FHDC1: variants seen among roughly 807,000 people sequenced by gnomAD.
FHDC1 encodes the protein FH2 domain containing 1.
Under a neutral mutation model 52.6 loss-of-function variants are expected in FHDC1, and 25 were observed. The observed-to-expected ratio is 0.48, with a 90% CI of 0.35 to 0.66. FHDC1 has a LOEUF of 0.66. FHDC1 is among the 30% of genes least tolerant of loss of function. The pLI, the probability that FHDC1 is intolerant of heterozygous loss-of-function variation, is 0.01. For missense variants in FHDC1, 1,459 were observed against 1,452.8 expected (o/e 1.00, Z -0.07); for synonymous variants, 616 against 581.5 (o/e 1.06, Z -0.85).
Position 152,976,624 on chromosome 4 carries a change from C to A in FHDC1, c.3333C>A (p.Ala1111=). 6.2e-7 allele frequency: 1 copy of A among 1,607,548 alleles called. No homozygotes were observed. Among genetic ancestry groups the A allele is most frequent in the South Asian group, 1.1e-5 (1 of 90,640 alleles). Residue 1111 remains alanine (A), a synonymous_variant, in exon 12 of 12, where the codon GCC becomes GCA. Coordinates refer to ENST00000511601, the MANE Select transcript of FHDC1 (RefSeq NM_001371116.1). ...SAEGPSANTE[A]PLKARGAGER... ...AGGGTCCCAGTGCCAACACGGAGGC[C>A]CCTCTGAAGGCCAGAGGGGCTGGGG...
Position 152,975,252 on chromosome 4 carries a change from G to A in FHDC1, c.1961G>A (p.Ser654Asn). The A allele has an allele frequency of 2.5e-6, 4 of 1,613,466 alleles. No homozygotes were observed. The highest frequency in any genetic ancestry group is 3.4e-6 in the Non-Finnish European group (4 of 1,180,040). ...CGAAAGAGGTACAGTGAGCCGGTGA[G>A]CCTGGGCTCAGCACAGTCCCCTCCT... ...VLRKRYSEPV[S>N]LGSAQSPPLS... Residue 654 changes from serine (S) to asparagine (N), a missense_variant, in exon 12 of 12, where the codon AGC (serine) becomes AAC (asparagine). This residue lies in a region of FHDC1 where 939 missense variants were observed against 854.5 expected (regional missense o/e 1.10). Transcript: ENST00000511601.
At chr4:152,914,318 G>A in the FHDC1 span, among the ~76,000 whole-genome samples, 5 of 152,136 alleles carry the variant, frequency 3.3e-5, no homozygotes, top group African/African-American at 7.2e-5. Flanking sequence ...AGTGGTCATC[G>A]TAATGTACAG....
At position 152,964,921 on chromosome 4, in the gene FHDC1, A is replaced by G. The variant is rs1387407534; in HGVS notation, c.1046A>G (p.Asp349Gly). The G allele has an allele frequency of 2.5e-6, 4 of 1,612,344 alleles. No individual in the cohort carries two copies. The African/African-American group carries it at 4.0e-5, about 16-fold the overall frequency. Residue 349 changes from aspartate to glycine, a missense_variant, in exon 9 of 12, where the codon GAT becomes GGT. By Grantham distance (94) the Asp-to-Gly change is moderately conservative. Around this residue, in one of 3 missense-constraint regions of FHDC1, gnomAD observed 513 missense variants for 581.5 expected, o/e 0.88. Coordinates refer to ENST00000511601, the MANE Select transcript of FHDC1 (RefSeq NM_001371116.1). ...HFVAQEAQKK[D>G]TILLNFSEKL... ...TTGTTCCAGGAAGCCCAAAAGAAAG[A>G]TACCATTCTTCTAAACTTTTCAGAA...
chr4:152,954,734 AG>A (rs1319512075), intron 4 of FHDC1, among the ~76,000 whole-genome samples: 1 of 152,186 alleles, frequency 6.6e-6, no homozygotes, highest in Non-Finnish European at 1.5e-5. Flanking sequence ...TCACATGGGA[AG>A]GGCACTCTCC....
chr4:152,960,756 G>A lies in FHDC1; in HGVS notation c.762G>A (p.Arg254=). 1.2e-6 allele frequency: 2 copies of A among 1,613,314 alleles called. No homozygotes were observed. The highest frequency in any genetic ancestry group is 1.7e-6 in the Non-Finnish European group (2 of 1,179,864). Reference sequence around the variant, plus strand: ...TTTTATTTTTCAGCTATTCACTTCGGATTGAAGCCATGGTGCTAAAGAAGG... The same window carrying A: ...TTTTATTTTTCAGCTATTCACTTCGAATTGAAGCCATGGTGCTAAAGAAGG... ...GLIQVPNYSL[R]IEAMVLKKEF... Residue 254 remains arginine (R), a synonymous_variant, in exon 6 of 12, where the codon CGG becomes CGA. Transcript: ENST00000511601.
rs199562283 is a variant in FHDC1, at chr4:152,976,177, C to T, written c.2886C>T (p.Ser962=). 84 of 1,611,872 alleles carry T rather than the reference C, an allele frequency of 5.2e-5. No homozygotes were observed. Among genetic ancestry groups the T allele is most frequent in the South Asian group, 1.1e-4 (10 of 91,052 alleles). ...AEEQRLPRGS[S]GSSSTRPGRD... is the part of the protein sequence containing the mutation. The stretch of plus-strand genomic sequence containing the variant: ...AGCAGAGGCTGCCGCGGGGGAGCAG[C>T]GGCTCCAGCAGCACCCGTCCGGGGA... The change falls in exon 12 of 12, where the codon AGC becomes AGT. Residue 962 remains serine, a synonymous_variant. Transcript: ENST00000511601.
intron 10 of FHDC1, among the ~76,000 whole-genome samples, chr4:152,970,509 A>T (rs1740608734): frequency 6.6e-6 from 1 of 152,184 alleles, no homozygotes; most frequent in Non-Finnish European, 1.5e-5. Flanking sequence ...TCCCCACAGG[A>T]TCTAGAGATG....
chr4:152,930,584 T>C, the FHDC1 span, among the ~76,000 whole-genome samples: 2 of 152,318 alleles, frequency 1.3e-5, no homozygotes, highest in East Asian at 3.9e-4. Context: ...TGATGCTAAG[T>C]GTTTGACAGG....
the FHDC1 span, among the ~76,000 whole-genome samples, chr4:152,912,876 A>T: frequency 4.6e-5 from 7 of 152,202 alleles, no homozygotes; most frequent in African/African-American, 1.7e-4. Context: ...TTGCAAAAGC[A>T]ATTTAGCTGA....
the FHDC1 span, chr4:152,911,914 C>T: frequency 5.9e-5 from 9 of 152,534 alleles, no homozygotes; most frequent in African/African-American, 1.4e-4. Flanking sequence ...TGCAGTAAAT[C>T]GTTTCTCTGG....
intron 6 of FHDC1, 57 bp downstream of exon 6, chr4:152,960,901 T>C (rs1740261071): frequency 1.5e-6 from 2 of 1,349,822 alleles, no homozygotes; most frequent in East Asian, 4.7e-5. Flanking sequence ...GATAGCAGTT[T>C]TTTAAAAAAG....
At chr4:152,974,174 C>T (rs1182221677) in intron 11 of FHDC1, among the ~76,000 whole-genome samples, 1 of 152,248 alleles carries the variant, frequency 6.6e-6, no homozygotes, top group African/African-American at 2.4e-5. Flanking sequence ...CAGATCCATG[C>T]TGCACAGAAG....
At chr4:152,928,277 C>T in the FHDC1 span, 7 of 597,220 alleles carry the variant, frequency 1.2e-5, no homozygotes, top group South Asian at 9.5e-5. Context: ...GCCTTACAGG[C>T]ATTATGTCCC....
rs576399116 is a variant in FHDC1 at position 152,953,676 on chromosome 4, G to A, written c.560+116G>A. 29 of 864,260 alleles carry A rather than the reference G, an allele frequency of 3.4e-5. 1 individual carries two copies. In the South Asian group the frequency reaches 3.4e-4, roughly 10 times the overall value. The allele number at this position is 864,260 out of a possible 1,614,324, so 53.5% of individuals were successfully genotyped here. ...TCACACCTTCAAATCCTTCTTAGAC[G>A]CATGGCTTGATGAGCCTGCAAGTGA... On this transcript the variant is annotated intron_variant, in intron 3 of 11. Transcript: ENST00000511601.
chr4:152,949,286 G>A (rs1255598404), intron 2 of FHDC1, among the ~76,000 whole-genome samples: 2 of 151,764 alleles, frequency 1.3e-5, no homozygotes, highest in Non-Finnish European at 2.9e-5. Flanking sequence ...CACTAGCCTG[G>A]GCAACATAGT....
At chr4:152,958,835 A>G (rs976305107) in intron 4 of FHDC1, among the ~76,000 whole-genome samples, 1 of 152,236 alleles carries the variant, frequency 6.6e-6, no homozygotes, top group African/African-American at 2.4e-5. Flanking sequence ...TAATAAGGCT[A>G]AAAATGGTCA....
chr4:152,939,300 ATG>A (rs1468444422), intron 1 of FHDC1, among the ~76,000 whole-genome samples: 1 of 151,654 alleles, frequency 6.6e-6, no homozygotes, highest in Non-Finnish European at 1.5e-5. Flanking sequence ...GTGTGTGTTT[ATG>A]TGTGTGTGTA....
intron 1 of FHDC1, among the ~76,000 whole-genome samples, chr4:152,937,740 A>T (rs1205304813): frequency 2.0e-5 from 3 of 151,814 alleles, no homozygotes; most frequent in Non-Finnish European, 4.4e-5. Context: ...TCGCGCCGCG[A>T]CGCCCTTCTG....
In FHDC1 at chr4:152,979,570, GTATC is replaced by G. The variant is rs1221783780; in HGVS notation, c.*2851_*2854del. ...GAATACAATGGAGAAATGTAAATAA[GTATC>G]TATGTAAATTTGTTTAAAATAAACT... On this transcript the variant is annotated 3_prime_UTR_variant, in exon 12 of 12. Transcript: ENST00000511601. 11 of 152,298 alleles carry G rather than the reference GTATC, an allele frequency of 7.2e-5. No homozygotes were observed. The highest frequency in any genetic ancestry group is 6.2e-4 in the South Asian group (3 of 4,816). 9.4% of individuals were successfully genotyped at this position (152,298 alleles called of 1,614,324 possible). A position where few individuals can be genotyped will look rare whatever the true frequency, so the allele number is the denominator to read the frequency against.
Sources: gnomAD v4.1 joint callset for allele counts (sites outside exome capture counted in the v4.1 genomes callset) on GRCh38, gnomAD v4.1.1 for gene constraint, gnomAD v4.1.1 regional missense constraint, MANE v1.5 for transcripts, NCBI Gene and HGNC (gene_info 2026-07-23, HGNC 2026-07-21) for gene names.